LATS1: variants seen among roughly 807,000 people sequenced by gnomAD.
LATS1 encodes the protein serine/threonine-protein kinase LATS1.
A neutral mutation model predicts 106.6 loss-of-function variants in LATS1; 25 were observed. That is an observed-to-expected ratio of 0.23 (90% CI 0.17 to 0.33). LATS1 has a LOEUF of 0.33. Ranked by LOEUF, LATS1 falls within the 10% of genes least tolerant of loss-of-function variation. The pLI, the probability that LATS1 is intolerant of heterozygous loss-of-function variation, is 1.00. For missense variants in LATS1, 1,040 were observed against 1,382.6 expected (o/e 0.75, Z 3.93); for synonymous variants, 465 against 455.6 (o/e 1.02, Z -0.26).
chr6:149,712,788 G>GT (rs1784179196), intron 1 of LATS1, among the ~76,000 whole-genome samples: 1 of 152,132 alleles, frequency 6.6e-6, no homozygotes, highest in South Asian at 2.1e-4. Flanking sequence ...GAGCCCAGGT[G>GT]TTTGAGACTA....
chr6:149,661,390 T>C lies in LATS1; in HGVS notation c.*339A>G, dbSNP rs1420867832. The stretch of plus-strand genomic sequence containing the variant: ...TTCAAAAAAATTTCAAAAACTCTTG[T>C]ATTTTAAAATTATTTAGCATATATA... On this transcript the variant is annotated 3_prime_UTR_variant, in exon 8 of 8. Transcript: ENST00000543571. 4 of 249,318 alleles carry C rather than the reference T, an allele frequency of 1.6e-5. No homozygotes were observed. The Admixed American group carries it at 1.6e-4, about 10-fold the overall frequency. 15.4% of individuals were successfully genotyped at this position (249,318 alleles called of 1,614,324 possible). A position where few individuals can be genotyped will look rare whatever the true frequency, so the allele number is the denominator to read the frequency against.
At chr6:149,717,462 G>A (rs1031342927) in intron 1 of LATS1, among the ~76,000 whole-genome samples, 1 of 152,172 alleles carries the variant, frequency 6.6e-6, no homozygotes, top group African/African-American at 2.4e-5. Context: ...GGGATCCAAA[G>A]AACTGTAGCT....
At position 149,680,061 on chromosome 6, in the gene LATS1, T is replaced by C; in HGVS notation, c.2407A>G (p.Ser803Gly). ...LLIRMGIFPE[S>G]LARFYIAELT... ...TCTGCTATGTAGAATCGTGCCAGAC[T>C]TTCTGGAAAGATGCCCATTCTAATT... The change falls in exon 5 of 8, where the codon AGT becomes GGT. Residue 803 changes from serine to glycine, a missense_variant. Coordinates refer to ENST00000543571, the MANE Select transcript of LATS1 (RefSeq NM_004690.4). 6.2e-7 allele frequency: 1 copy of C among 1,613,834 alleles called. No individual in the cohort carries two copies. The highest frequency in any genetic ancestry group is 1.1e-5 in the South Asian group (1 of 91,056).
intron 5 of LATS1, among the ~76,000 whole-genome samples, chr6:149,678,353 C>CAAACA (rs1781848718): frequency 6.6e-6 from 1 of 151,076 alleles, no homozygotes; most frequent in South Asian, 2.1e-4. Context: ...CAAAAACAAA[C>CAAACA]AAACAAACAA....
At chr6:149,691,289 A>G (rs755687380) in intron 3 of LATS1, among the ~76,000 whole-genome samples, 2 of 152,186 alleles carry the variant, frequency 1.3e-5, no homozygotes, top group Non-Finnish European at 2.9e-5. Flanking sequence ...ATGAGGACAC[A>G]GCAAGGCGGC....
At chr6:149,665,547 C>T (rs1781093969) in intron 7 of LATS1, among the ~76,000 whole-genome samples, 1 of 152,086 alleles carries the variant, frequency 6.6e-6, no homozygotes, top group Non-Finnish European at 1.5e-5. Context: ...CCCCAGGGAA[C>T]AGGAAAGTAC....
At chr6:149,679,592 AAAT>A (rs1370465514) in intron 5 of LATS1, among the ~76,000 whole-genome samples, 1 of 152,072 alleles carries the variant, frequency 6.6e-6, no homozygotes, top group Non-Finnish European at 1.5e-5. Context: ...GCATATTTTC[AAAT>A]AAAATGTAAA....
At chr6:149,717,306 G>C (rs1342872085) in intron 1 of LATS1, among the ~76,000 whole-genome samples, 1 of 152,170 alleles carries the variant, frequency 6.6e-6, no homozygotes, top group Non-Finnish European at 1.5e-5. Flanking sequence ...TTCATTTGCT[G>C]TATTTATATA....
chr6:149,668,522 G>A (rs991795298), intron 7 of LATS1, among the ~76,000 whole-genome samples: 2 of 150,938 alleles, frequency 1.3e-5, no homozygotes, highest in African/African-American at 2.5e-5. Context: ...GCTCACTACA[G>A]CCTCAAACTC....
chr6:149,712,567 T>A (rs1042413449), intron 1 of LATS1, among the ~76,000 whole-genome samples: 1 of 151,232 alleles, frequency 6.6e-6, no homozygotes, highest in South Asian at 2.1e-4. Flanking sequence ...ACGAGGCTGG[T>A]CTCAAACTCC....
intron 2 of LATS1, among the ~76,000 whole-genome samples, chr6:149,700,853 G>A (rs1228566277): frequency 1.3e-5 from 2 of 152,110 alleles, no homozygotes; most frequent in Non-Finnish European, 2.9e-5. Flanking sequence ...GCGCGATCTC[G>A]GCTCACTGTA....
rs1784521249 is a variant in LATS1 at position 149,718,029 on chromosome 6, C to CTT, written c.-323_-322dup. The CTT allele has an allele frequency of 5.8e-6, 2 of 345,708 alleles. No homozygotes were observed. Among genetic ancestry groups the CTT allele is most frequent in the Non-Finnish European group, 1.1e-5 (2 of 180,288 alleles). 21.4% of individuals were successfully genotyped at this position (345,708 alleles called of 1,614,324 possible). ...GGGGTCGTGAGGACCTGGCTCTCCC[C>CTT]TTAACACCAGGCCACCGCCGCCGCC... On this transcript the variant is annotated 5_prime_UTR_variant, in exon 1 of 8. Transcript: ENST00000543571.
At chr6:149,676,216 A>G (rs1161778053) in intron 7 of LATS1, 44 bp downstream of exon 7, 2 of 1,293,114 alleles carry the variant, frequency 1.5e-6, no homozygotes, top group East Asian at 4.6e-5. Flanking sequence ...TCAATGATGT[A>G]GCAACTTTGT....
At chr6:149,716,560 G>C (rs559502433) in intron 1 of LATS1, 1 of 152,064 alleles carries the variant, frequency 6.6e-6, no homozygotes, top group East Asian at 1.9e-4. Context: ...TATTTATATA[G>C]AACAAGGACT....
chr6:149,699,474 TA>T lies in LATS1; in HGVS notation c.348+2304del, dbSNP rs899557971. On this transcript the variant is annotated intron_variant, in intron 2 of 7. Transcript: ENST00000543571. Reference sequence around the variant, plus strand: ...TTTGACATTAAAGTTTACTTTTTAATAAAAAAAAAAAATAAAATAAATAAAT... The same window carrying T: ...TTTGACATTAAAGTTTACTTTTTAATAAAAAAAAAAATAAAATAAATAAAT... 2.6e-3 allele frequency among the ~76,000 whole-genome samples: 365 copies of T among 142,228 alleles called. 2 individuals are homozygous for T. Among genetic ancestry groups the T allele is most frequent in the Non-Finnish European group, 1.2e-3 (76 of 64,692 alleles). The allele number at this position is 142,228 out of a possible 152,430, so 93.3% of individuals were successfully genotyped here.
At chr6:149,692,766 C>T (rs559304397) in intron 3 of LATS1, among the ~76,000 whole-genome samples, 140 of 151,992 alleles carry the variant, frequency 9.2e-4, no homozygotes, top group Non-Finnish European at 1.8e-3. Context: ...CCTCCGCCTC[C>T]TGGGTTCAAA....
chr6:149,694,951 T>C, intron 3 of LATS1, 123 bp downstream of exon 3: 1 of 790,504 alleles, frequency 1.3e-6, no homozygotes, highest in Non-Finnish European at 1.9e-6. Flanking sequence ...GTTATCTTAA[T>C]TTGAGACTTT....
chr6:149,676,002 T>G (rs1781701126), intron 7 of LATS1: 1 of 396,548 alleles, frequency 2.5e-6, no homozygotes, highest in Admixed American at 4.1e-5. Flanking sequence ...AAGTTCATTC[T>G]TTTCCTTTTT....
intron 2 of LATS1, chr6:149,696,983 C>T (rs941576784): frequency 4.2e-6 from 2 of 474,614 alleles, no homozygotes; most frequent in Non-Finnish European, 8.1e-6. Context: ...AAAATGTTGG[C>T]TGCTCTCTTC....
Sources: allele counts gnomAD v4.1 joint callset (sites outside exome capture counted in the v4.1 genomes callset), GRCh38; gene constraint gnomAD v4.1.1; transcripts MANE v1.5; gene names NCBI Gene and HGNC (gene_info 2026-07-23, HGNC 2026-07-21).